ARHGAP36: variants seen among roughly 807,000 people sequenced by gnomAD.
The protein encoded by ARHGAP36 is rho GTPase-activating protein 36.
In ARHGAP36, 7 loss-of-function variants were observed where a neutral mutation model predicts 32.9. The observed-to-expected ratio is 0.21, with a 90% CI of 0.12 to 0.40. The LOEUF (loss-of-function observed/expected upper bound fraction) is 0.40, where lower values mean the gene tolerates loss of function less well. Ranked by LOEUF, ARHGAP36 falls within the 10% of genes least tolerant of loss-of-function variation. The probability of loss-of-function intolerance (pLI) is 1.00; values close to 1 mark genes in which losing one functional copy is unlikely to be tolerated. For missense variants in ARHGAP36, 383 were observed against 442.2 expected (o/e 0.87, Z 1.20); for synonymous variants, 165 against 168.3 (o/e 0.98, Z 0.15).
chrX:131,063,488 T>G (rs1276180082), intron 1 of ARHGAP36, among the ~76,000 whole-genome samples: 2 of 111,562 alleles, frequency 1.8e-5, no homozygotes, highest in Non-Finnish European at 3.8e-5. Context: ...GAGAAGTTTT[T>G]CGAAATTCTT....
intron 9 of ARHGAP36, 93 bp downstream of exon 9, chrX:131,086,182 A>G (rs759937973): frequency 4.4e-6 from 5 of 1,129,736 alleles, no homozygotes; most frequent in Non-Finnish European, 6.0e-6. Flanking sequence ...AGGGTAGCCA[A>G]AACAGGCAGC....
At position 131,089,145 on chromosome X, in the gene ARHGAP36, G is replaced by T; in HGVS notation, c.*360G>T. The T allele has an allele frequency of 6.6e-6, 1 of 150,393 alleles. No individual in the cohort carries two copies. Among genetic ancestry groups the T allele is most frequent in the Non-Finnish European group, 1.3e-5 (1 of 78,319 alleles). 12.4% of individuals were successfully genotyped at this position (150,393 alleles called of 1,213,427 possible). A position where few individuals can be genotyped will look rare whatever the true frequency, so the allele number is the denominator to read the frequency against. On this transcript the variant is annotated 3_prime_UTR_variant, in exon 12 of 12. Transcript: ENST00000276211. ...TCCCAGGGAACCTCACAAATCTTGA[G>T]ATGCTTTCCCTTCCCCAGATGGGAT... is the stretch of plus-strand genomic sequence containing the variant.
intron 1 of ARHGAP36, chrX:131,078,735 C>T (rs775783681): frequency 2.0e-6 from 2 of 982,423 alleles, no homozygotes; most frequent in South Asian, 4.0e-5. Flanking sequence ...CTACTGGCAC[C>T]TTGAGAAGGT....
At chrX:131,076,282 G>A (rs1413597489) in intron 1 of ARHGAP36, among the ~76,000 whole-genome samples, 2 of 111,999 alleles carry the variant, frequency 1.8e-5, no homozygotes, top group Non-Finnish European at 3.8e-5. Flanking sequence ...CAACCAAAAG[G>A]GGAAAAAATG....
chrX:131,078,847 G>A (rs2079779397), intron 1 of ARHGAP36: 12 of 676,560 alleles, frequency 1.8e-5, no homozygotes, highest in Non-Finnish European at 2.5e-5. Flanking sequence ...AATGACAAAC[G>A]GTTTATTCTA....
intron 1 of ARHGAP36, among the ~76,000 whole-genome samples, chrX:131,074,684 T>G (rs377266030): frequency 4.8e-4 from 54 of 111,663 alleles, no homozygotes; most frequent in African/African-American, 1.5e-3. Context: ...CCCATGGGCC[T>G]TTCTTGATAG....
intron 1 of ARHGAP36, among the ~76,000 whole-genome samples, chrX:131,073,256 G>C (rs955554932): frequency 4.4e-5 from 5 of 113,185 alleles, no homozygotes; most frequent in Non-Finnish European, 9.4e-5. Flanking sequence ...GCAGGGCTTT[G>C]TTTAACTTTA....
At chrX:131,082,508 G>C (rs1373626973) in intron 2 of ARHGAP36, among the ~76,000 whole-genome samples, 6 of 112,848 alleles carry the variant, frequency 5.3e-5, no homozygotes, top group African/African-American at 1.9e-4. Flanking sequence ...GAATCTCAGG[G>C]GTAAGCGCGC....
chrX:131,062,031 A>G (rs1289852755), intron 1 of ARHGAP36, among the ~76,000 whole-genome samples: 2 of 112,252 alleles, frequency 1.8e-5, no homozygotes, highest in East Asian at 5.6e-4. Flanking sequence ...AAGTAACATC[A>G]TTCCTTTTTT....
At chrX:131,072,896 A>G (rs2079740188) in intron 1 of ARHGAP36, 1 of 112,408 alleles carries the variant, frequency 8.9e-6, no homozygotes, top group African/African-American at 3.2e-5. Flanking sequence ...TCTGAGAGGC[A>G]GAGCCAAGCG....
At chrX:131,081,967 C>G (rs199820681) in intron 2 of ARHGAP36, 49 bp downstream of exon 2, 1 of 1,188,477 alleles carries the variant, frequency 8.4e-7, no homozygotes, top group Non-Finnish European at 1.1e-6. Flanking sequence ...GAGAGTGGAC[C>G]CTCCGGGCAG....
chrX:131,075,813 A>G (rs1380134175), intron 1 of ARHGAP36, among the ~76,000 whole-genome samples: 2 of 111,422 alleles, frequency 1.8e-5, no homozygotes, highest in Admixed American at 9.5e-5. Flanking sequence ...GTGAATACCA[A>G]GAACTGCTAT....
rs1350371224 is a variant in ARHGAP36 at position 131,081,813 on chromosome X, G to A, written c.148G>A (p.Val50Ile). The A allele has an allele frequency of 1.7e-6, 2 of 1,212,116 alleles. No homozygotes were observed. Among genetic ancestry groups the A allele is most frequent in the Non-Finnish European group, 2.2e-6 (2 of 895,637 alleles). The change falls in exon 2 of 12, where the codon GTA (valine) becomes ATA (isoleucine). Residue 50 changes from valine to isoleucine, a missense_variant. Around this residue, in one of 2 missense-constraint regions of ARHGAP36, gnomAD observed 156 missense variants for 131.0 expected, o/e 1.19. Transcript: ENST00000276211. ...CAACCCCGACCGCAGGACGAAGATG[G>A]TATCGATACACAGCCTCTCTGAGCT... ...GHNPDRRTKM[V>I]SIHSLSELER...
At chrX:131,086,201 C>T (rs1013984619) in intron 9 of ARHGAP36, 112 bp downstream of exon 9, 9 of 1,106,527 alleles carry the variant, frequency 8.1e-6, no homozygotes, top group Non-Finnish European at 8.6e-6. Context: ...GCCACAAGAT[C>T]GTCCAGTCTA....
chrX:131,074,216 A>G (rs914636811), intron 1 of ARHGAP36, among the ~76,000 whole-genome samples: 1 of 111,709 alleles, frequency 9.0e-6, no homozygotes, highest in Admixed American at 9.4e-5. Context: ...CCCACTCTGT[A>G]GAAGCCACAG....
rs755540036 is a variant in ARHGAP36, at chrX:131,085,004, C to T, written c.895C>T (p.Arg299Cys). 2.1e-5 allele frequency: 26 copies of T among 1,211,505 alleles called. No homozygotes were observed. Among genetic ancestry groups the T allele is most frequent in the Non-Finnish European group, 2.5e-5 (22 of 895,509 alleles). The change falls in exon 7 of 12, where the codon CGT becomes TGT. Residue 299 changes from arginine to cysteine, a missense_variant. By Grantham distance (180) the Arg-to-Cys change is radical. Coordinates refer to ENST00000276211, the MANE Select transcript of ARHGAP36 (RefSeq NM_144967.4). ...DVAALLKEFF[R>C]DMKDSLLPDD... The stretch of plus-strand genomic sequence containing the variant: ...GGCTGCACTCCTCAAGGAGTTTTTC[C>T]GTGACATGAAGGATTCTCTGCTGCC...
intron 1 of ARHGAP36, among the ~76,000 whole-genome samples, chrX:131,070,294 T>G (rs1316249425): frequency 5.3e-5 from 6 of 112,151 alleles, no homozygotes; most frequent in Admixed American, 1.9e-4. Context: ...TGATTCACCA[T>G]CTCAGTTAGG....
At position 131,089,561 on chromosome X, in the gene ARHGAP36, G is replaced by A. The variant is rs1280646780; in HGVS notation, c.*776G>A. 8.8e-6 allele frequency: 1 copy of A among 113,143 alleles called. No individual in the cohort carries two copies. The highest frequency in any genetic ancestry group is 1.9e-5 in the Non-Finnish European group (1 of 53,397). 9.3% of individuals were successfully genotyped at this position (113,143 alleles called of 1,213,427 possible). On this transcript the variant is annotated 3_prime_UTR_variant, in exon 12 of 12. Transcript: ENST00000276211. ...CTCTTGTCAGCAAAACAGCTAGTTA[G>A]GTAAGGACATATAGTTCCAAGTAGG...
intron 11 of ARHGAP36, among the ~76,000 whole-genome samples, chrX:131,087,394 G>C (rs1427429055): frequency 9.0e-6 from 1 of 111,514 alleles, no homozygotes; most frequent in Admixed American, 9.5e-5. Flanking sequence ...TGATTTTGAA[G>C]AAGTCTCAGC....
Sources: gnomAD v4.1 joint callset for allele counts (sites outside exome capture counted in the v4.1 genomes callset) on GRCh38, gnomAD v4.1.1 for gene constraint, gnomAD v4.1.1 regional missense constraint, MANE v1.5 for transcripts, NCBI Gene and HGNC (gene_info 2026-07-23, HGNC 2026-07-21) for gene names.